The following NUP160 variants were observed in gnomAD, a reference collection of about 807,000 sequenced individuals.
NUP160 encodes nuclear pore complex protein Nup160.
Under a neutral mutation model 196.9 loss-of-function variants are expected in NUP160, and 94 were observed. That is an observed-to-expected ratio of 0.48 (90% CI 0.40 to 0.57). The LOEUF is 0.57. Among genes scored for constraint, NUP160 ranks in the 20% least tolerant of loss-of-function variants. The pLI, the probability that NUP160 is intolerant of heterozygous loss-of-function variation, is 0.00. For missense variants in NUP160, 1,638 were observed against 1,748.3 expected (o/e 0.94, Z 1.13); for synonymous variants, 605 against 619.7 (o/e 0.98, Z 0.35).
intron 29 of NUP160, among the ~76,000 whole-genome samples, chr11:47,791,158 C>CT (rs35849464): frequency 0.62 from 93,955 of 150,980 alleles, 33,564 homozygotes; most frequent in South Asian, 0.81. Flanking sequence ...ATTTTCTCTT[C>CT]TTTTTTTTTA....
rs1164772188 is a variant in NUP160, at chr11:47,782,289, T to TAAAAAA, written c.4116+778_4116+783dup. ...CTTGGGCAACAGAGCAAAACTCAGT[T>TAAAAAA]AAAAAAAAAAAAAAATATATATATA... On this transcript the variant is annotated intron_variant, in intron 34 of 35. Coordinates refer to ENST00000378460, the Ensembl canonical transcript of NUP160. Among the ~76,000 whole-genome samples the TAAAAAA allele has an allele frequency of 6.3e-4, 20 of 31,876 alleles. 3 individuals are homozygous for TAAAAAA. The African/African-American group carries it at 9.2e-3, about 15-fold the overall frequency. The allele number at this position is 31,876 out of a possible 152,430, so 20.9% of individuals were successfully genotyped here. A position where few individuals can be genotyped will look rare whatever the true frequency, so the allele number is the denominator to read the frequency against.
At chr11:47,784,052 ACAAAAAAAAC>A (rs1565185527) in intron 33 of NUP160, among the ~76,000 whole-genome samples, 1 of 151,960 alleles carries the variant, frequency 6.6e-6, no homozygotes, top group Non-Finnish European at 1.5e-5. Context: ...ACAAAACAAA[ACAAAAAAAAC>A]CAAAAAAAAC....
intron 14 of NUP160, 75 bp from the exon 15 acceptor site, chr11:47,813,122 T>C (rs1042257038): frequency 8.7e-7 from 1 of 1,143,516 alleles, no homozygotes; most frequent in African/African-American, 1.6e-5. Flanking sequence ...ATTAAAATGT[T>C]AATAATTAAA....
chr11:47,840,331 C>A, intron 3 of NUP160, 47 bp downstream of exon 3: 1 of 1,494,636 alleles, frequency 6.7e-7, no homozygotes, highest in Non-Finnish European at 9.3e-7. Context: ...ATTTGTGACA[C>A]CCAGAGTAAT....
exon 16 of NUP160, chr11:47,812,387 A>G: frequency 6.2e-7 from 1 of 1,613,802 alleles, no homozygotes; most frequent in Non-Finnish European, 8.5e-7. Flanking sequence ...TTGGGTTCCT[A>G]ATCTCTTGCA....
At chr11:47,782,289 TAAAAAAAA>T (rs1164772188) in intron 34 of NUP160, among the ~76,000 whole-genome samples, 19 of 31,870 alleles carry the variant, frequency 6.0e-4, no homozygotes, top group African/African-American at 2.3e-3. Context: ...AAAACTCAGT[TAAAAAAAA>T]AAAAAAATAT....
At chr11:47,836,263 G>A (rs575647134) in intron 6 of NUP160, among the ~76,000 whole-genome samples, 245 of 152,204 alleles carry the variant, frequency 1.6e-3, no homozygotes, top group Non-Finnish European at 2.6e-3. Flanking sequence ...AAAATAAAAA[G>A]AGGGAGGGAG....
chr11:47,804,814 G>C (rs2097676527), intron 20 of NUP160, among the ~76,000 whole-genome samples, 196 bp from the exon 21 acceptor site: 1 of 152,150 alleles, frequency 6.6e-6, no homozygotes, highest in African/African-American at 2.4e-5. Context: ...ACTTGTTATA[G>C]TGCTTAGAAC....
exon 2 of NUP160, chr11:47,847,918 T>C: frequency 6.2e-7 from 1 of 1,614,124 alleles, no homozygotes; most frequent in Non-Finnish European, 8.5e-7. Context: ...CCTCCCGCGC[T>C]TTCACTGTAT....
chr11:47,803,142 A>AAATAATAATAATAATAAT (rs55654627), intron 22 of NUP160, among the ~76,000 whole-genome samples: 345 of 139,048 alleles, frequency 2.5e-3, no homozygotes, highest in Middle Eastern at 7.4e-3. Flanking sequence ...TGATTTTACA[A>AAATAATAATAATAATAAT]AATAATAATA....
At chr11:47,793,018 GCTCT>G (rs1246854151) in intron 27 of NUP160, 72 bp from the exon 28 acceptor site, 14 of 1,352,046 alleles carry the variant, frequency 1.0e-5, no homozygotes, top group Middle Eastern at 3.8e-4. Flanking sequence ...ACAGAGTCTT[GCTCT>G]GTCGCCCAGG....
chr11:47,820,883 T>C (rs1312795125), intron 9 of NUP160, among the ~76,000 whole-genome samples: 1 of 152,108 alleles, frequency 6.6e-6, no homozygotes, highest in Non-Finnish European at 1.5e-5. Context: ...AAGGTCTTGC[T>C]ATGTTGCCTG....
intron 13 of NUP160, among the ~76,000 whole-genome samples, chr11:47,814,571 GA>G (rs571954805): frequency 1.3e-5 from 2 of 150,680 alleles, no homozygotes; most frequent in African/African-American, 2.4e-5. Context: ...CCTGGATCAG[GA>G]AAAAAAATTA....
At chr11:47,848,001 G>A in intron 1 of NUP160, 42 bp from the exon 2 acceptor site, 1 of 1,491,216 alleles carries the variant, frequency 6.7e-7, no homozygotes, top group Non-Finnish European at 9.4e-7. Context: ...CGTCTTCTGA[G>A]AAATGACAGG....
At chr11:47,843,998 G>A (rs1000460421) in intron 2 of NUP160, among the ~76,000 whole-genome samples, 3 of 152,164 alleles carry the variant, frequency 2.0e-5, no homozygotes, top group African/African-American at 7.2e-5. Context: ...TCACCTATAC[G>A]TTTTTCCATC....
Position 47,783,204 on chromosome 11 carries a change from A to G in NUP160, c.3991-6T>C, listed in dbSNP as rs1483385078. On this transcript the variant is annotated splice_region_variant and splice_polypyrimidine_tract_variant and intron_variant, in intron 33 of 35. Transcript: ENST00000378460. ...AATTCAGCAGCATCAACCTTCTGTG[A>G]AAAGTCAGTGATTAAGAATATGTAC... 1 of 1,612,804 alleles carries G rather than the reference A, an allele frequency of 6.2e-7. No individual in the cohort carries two copies. The highest frequency in any genetic ancestry group is 8.5e-7 in the Non-Finnish European group (1 of 1,179,546).
chr11:47,815,241 G>A, intron 13 of NUP160: 1 of 336,178 alleles, frequency 3.0e-6, no homozygotes, highest in Non-Finnish European at 5.3e-6. Flanking sequence ...AAAAGAAAAA[G>A]AAATAAATAC....
At chr11:47,798,820 AC>A (rs1427020030) in intron 23 of NUP160, among the ~76,000 whole-genome samples, 1 of 151,576 alleles carries the variant, frequency 6.6e-6, no homozygotes, top group Non-Finnish European at 1.5e-5. Flanking sequence ...GTATAGCACG[AC>A]CCTGTCTCTA....
At chr11:47,806,450 C>T in intron 19 of NUP160, 138 bp from the exon 20 acceptor site, 1 of 614,042 alleles carries the variant, frequency 1.6e-6, no homozygotes, top group Non-Finnish European at 2.8e-6. Context: ...GGTATATATC[C>T]AGTGGCAATA....
Sources: allele counts gnomAD v4.1 joint callset (sites outside exome capture counted in the v4.1 genomes callset), GRCh38; gene constraint gnomAD v4.1.1; transcripts MANE v1.5; gene names NCBI Gene and HGNC (gene_info 2026-07-23, HGNC 2026-07-21).